Variants in VPS37C observed in about 807,000 individuals in gnomAD.
The protein encoded by VPS37C is vacuolar protein sorting-associated protein 37C.
A neutral mutation model predicts 16.1 loss-of-function variants in VPS37C; 9 were observed. The ratio of observed to expected loss-of-function variants is 0.56; its 90% CI spans 0.34 to 0.97. The LOEUF is 0.97. Among genes scored for constraint, VPS37C ranks in the 50% least tolerant of loss-of-function variants. VPS37C has a pLI of 0.02. For missense variants in VPS37C, 479 were observed against 472.7 expected (o/e 1.01, Z -0.12); for synonymous variants, 207 against 206.4 (o/e 1.00, Z -0.02).
At chr11:61,145,855 T>C (rs1042732374) in intron 1 of VPS37C, among the ~76,000 whole-genome samples, 23 of 152,124 alleles carry the variant, frequency 1.5e-4, no homozygotes, top group African/African-American at 5.3e-4. Flanking sequence ...GTGTGACGAG[T>C]CCAACTACCT....
chr11:61,147,760 A>T (rs762858347), intron 1 of VPS37C, among the ~76,000 whole-genome samples: 13 of 151,558 alleles, frequency 8.6e-5, no homozygotes, highest in Non-Finnish European at 1.6e-4. Context: ...CACTGAGATG[A>T]GAGTGTGGCA....
At position 61,131,756 on chromosome 11, in the gene VPS37C, C is replaced by T. The variant is rs1038140852; in HGVS notation, c.*64G>A. The T allele has an allele frequency of 3.4e-5, 42 of 1,236,318 alleles. No homozygotes were observed. The highest frequency in any genetic ancestry group is 2.8e-4 in the East Asian group (9 of 31,894). 76.6% of individuals were successfully genotyped at this position (1,236,318 alleles called of 1,614,324 possible). On this transcript the variant is annotated 3_prime_UTR_variant, in exon 5 of 5. Transcript: ENST00000301765. ...CTTCCAGTTGACCCTCGAATCTCGGCGATGGCTGGGCCAAAGGTTGAGCGT... is the reference window on the plus strand; with the variant it reads ...CTTCCAGTTGACCCTCGAATCTCGGTGATGGCTGGGCCAAAGGTTGAGCGT...
In VPS37C at chr11:61,132,036, G is replaced by A. The variant is rs1162990877; in HGVS notation, c.852C>T (p.Tyr284=). The change falls in exon 5 of 5, where the codon TAC becomes TAT. Residue 284 remains tyrosine, a synonymous_variant. Coordinates refer to ENST00000301765, the MANE Select transcript of VPS37C (RefSeq NM_017966.5). Reference sequence around the variant, plus strand: ...TGGGGGCCCTGCCTCCCCGCAAGGGGTACCCAGGCCCAGAGGCACCCATTG... The same window carrying A: ...TGGGGGCCCTGCCTCCCCGCAAGGGATACCCAGGCCCAGAGGCACCCATTG... ...GTPMGASGPG[Y]PLRGGRAPSP... is the part of the protein sequence containing the mutation. The A allele has an allele frequency of 2.9e-6, 4 of 1,383,258 alleles. No individual in the cohort carries two copies. Among genetic ancestry groups the A allele is most frequent in the East Asian group, 5.9e-5 (2 of 34,150 alleles). 85.7% of individuals were successfully genotyped at this position (1,383,258 alleles called of 1,614,324 possible). A position where few individuals can be genotyped will look rare whatever the true frequency, so the allele number is the denominator to read the frequency against.
At chr11:61,135,961 C>A (rs957917601) in intron 2 of VPS37C, among the ~76,000 whole-genome samples, 4 of 152,174 alleles carry the variant, frequency 2.6e-5, no homozygotes, top group African/African-American at 9.7e-5. Flanking sequence ...TCTTTCTCCA[C>A]GAAGTGGGTC....
intron 1 of VPS37C, among the ~76,000 whole-genome samples, chr11:61,154,940 A>G (rs1404705566): frequency 6.6e-6 from 1 of 151,908 alleles, no homozygotes; most frequent in Non-Finnish European, 1.5e-5. Flanking sequence ...CCCTGTCTCT[A>G]CAAAAAATAA....
chr11:61,131,508 A>G lies in VPS37C; in HGVS notation c.*312T>C. 3.2e-6 allele frequency: 1 copy of G among 312,764 alleles called. No individual in the cohort carries two copies. The highest frequency in any genetic ancestry group is 5.8e-6 in the Non-Finnish European group (1 of 172,310). The allele number at this position is 312,764 out of a possible 1,614,324, so 19.4% of individuals were successfully genotyped here. A position where few individuals can be genotyped will look rare whatever the true frequency, so the allele number is the denominator to read the frequency against. On this transcript the variant is annotated 3_prime_UTR_variant, in exon 5 of 5. Transcript: ENST00000301765. ...TGGCCCTGAGTGCAGCCGCAAGTAGATGCTCATAAATGCGCACATGCGCTC... is the reference window on the plus strand; with the variant it reads ...TGGCCCTGAGTGCAGCCGCAAGTAGGTGCTCATAAATGCGCACATGCGCTC...
intron 1 of VPS37C, among the ~76,000 whole-genome samples, chr11:61,147,257 G>A (rs1853226419): frequency 6.6e-6 from 1 of 152,198 alleles, no homozygotes; most frequent in African/African-American, 2.4e-5. Flanking sequence ...AAAGGAGGTT[G>A]GGGTGGGGGC....
At chr11:61,157,214 C>T (rs1035651901) in intron 1 of VPS37C, among the ~76,000 whole-genome samples, 2 of 152,220 alleles carry the variant, frequency 1.3e-5, no homozygotes, top group South Asian at 4.1e-4. Flanking sequence ...TATACAAATA[C>T]TTGTTCAAGT....
chr11:61,149,152 G>A (rs907900417), intron 1 of VPS37C, among the ~76,000 whole-genome samples: 3 of 152,228 alleles, frequency 2.0e-5, no homozygotes, highest in Non-Finnish European at 4.4e-5. Flanking sequence ...TGGGCGTGGT[G>A]GCACACGCCT....
At chr11:61,153,425 G>T (rs936066997) in intron 1 of VPS37C, among the ~76,000 whole-genome samples, 1 of 152,128 alleles carries the variant, frequency 6.6e-6, no homozygotes, top group Admixed American at 6.5e-5. Context: ...TAGTTACCCA[G>T]TCTTGGGCAG....
chr11:61,153,967 T>C (rs1853343264), intron 1 of VPS37C, among the ~76,000 whole-genome samples: 3 of 152,176 alleles, frequency 2.0e-5, no homozygotes. Flanking sequence ...TCACAGGACA[T>C]TGGTAAAGCA....
At chr11:61,149,683 A>C (rs1481432109) in intron 1 of VPS37C, among the ~76,000 whole-genome samples, 1 of 152,248 alleles carries the variant, frequency 6.6e-6, no homozygotes, top group Non-Finnish European at 1.5e-5. Flanking sequence ...AAGAGTCCTC[A>C]AACATAAGCA....
At position 61,130,902 on chromosome 11, in the gene VPS37C, G is replaced by A. The variant is rs754974265; in HGVS notation, c.*918C>T. 1 of 396,052 alleles carries A rather than the reference G, an allele frequency of 2.5e-6. No homozygotes were observed. Among genetic ancestry groups the A allele is most frequent in the South Asian group, 1.8e-5 (1 of 55,312 alleles). 24.5% of individuals were successfully genotyped at this position (396,052 alleles called of 1,614,324 possible). On this transcript the variant is annotated 3_prime_UTR_variant, in exon 5 of 5. Coordinates refer to ENST00000301765, the MANE Select transcript of VPS37C (RefSeq NM_017966.5). Reference sequence around the variant, plus strand: ...GAGTGAGAAGGGGAGGGGAAGGGAGGGGGCTGCTTGTGAATGAGATTCAAG... The same window carrying A: ...GAGTGAGAAGGGGAGGGGAAGGGAGAGGGCTGCTTGTGAATGAGATTCAAG...
rs545629004 is a variant in VPS37C, at chr11:61,139,741, C to CTTTT, written c.-6-910_-6-907dup. 1.4e-4 allele frequency among the ~76,000 whole-genome samples: 11 copies of CTTTT among 77,812 alleles called. 1 individual carries two copies. The highest frequency in any genetic ancestry group is 1.4e-4 in the Non-Finnish European group (6 of 42,444). 51.0% of individuals were successfully genotyped at this position (77,812 alleles called of 152,430 possible). ...TCTCTTCCAGAGGTGCATTCCATAG[C>CTTTT]TTTTTTTTTTTTTTTTTTTTGAGAC... On this transcript the variant is annotated intron_variant, in intron 1 of 4. Transcript: ENST00000301765.
chr11:61,138,500 G>A, intron 2 of VPS37C: 1 of 521,378 alleles, frequency 1.9e-6, no homozygotes, highest in South Asian at 2.3e-5. Flanking sequence ...GGGGACTCCT[G>A]GGGTATCTGG....
chr11:61,136,402 G>A (rs1184206048), intron 2 of VPS37C, among the ~76,000 whole-genome samples: 1 of 152,082 alleles, frequency 6.6e-6, no homozygotes. Flanking sequence ...TCGAACTCCT[G>A]ACCTCAGGTC....
chr11:61,150,502 CATTTGCCCA>C (rs1853281290), intron 1 of VPS37C, among the ~76,000 whole-genome samples: 1 of 151,710 alleles, frequency 6.6e-6, no homozygotes. Context: ...CTCCTCTGCC[CATTTGCCCA>C]GTTTGGCCTA....
At chr11:61,160,677 A>T (rs1432483745) in intron 1 of VPS37C, among the ~76,000 whole-genome samples, 3 of 152,186 alleles carry the variant, frequency 2.0e-5, no homozygotes, top group Admixed American at 2.0e-4. Flanking sequence ...TCTGCCAGTA[A>T]CTCACAAAAC....
Position 61,157,778 on chromosome 11 carries a change from G to A in VPS37C, c.-7+3613C>T, listed in dbSNP as rs547496307. Among the ~76,000 whole-genome samples the A allele has an allele frequency of 5.3e-5, 8 of 152,298 alleles. 1 individual carries two copies. Among genetic ancestry groups the A allele is most frequent in the Admixed American group, 4.6e-4 (7 of 15,300 alleles). ...TTGGATATTTGTCTCCTCCAAATCC[G>A]TTAAAATTTGATTTCCAATGTTGGA... On this transcript the variant is annotated intron_variant, in intron 1 of 4. Transcript: ENST00000301765.
Sources: allele counts gnomAD v4.1 joint callset (sites outside exome capture counted in the v4.1 genomes callset), GRCh38; gene constraint gnomAD v4.1.1; transcripts MANE v1.5; gene names NCBI Gene and HGNC (gene_info 2026-07-23, HGNC 2026-07-21).